ELL3: variants seen among roughly 807,000 people sequenced by gnomAD.
ELL3 encodes RNA polymerase II elongation factor ELL3.
ELL3 carries 48 observed loss-of-function variants against 58.5 expected under a neutral mutation model. The observed-to-expected ratio is 0.82, with a 90% CI of 0.65 to 1.04. The LOEUF (loss-of-function observed/expected upper bound fraction) is 1.04. ELL3 is among the 50% of genes least tolerant of loss of function. ELL3 has a pLI of 0.00. For synonymous variants in ELL3, 174 were observed against 173.2 expected, an observed-to-expected ratio of 1.00 and a Z score of -0.04; for missense variants, 458 against 478.4, an observed-to-expected ratio of 0.96 and a Z score of 0.40.
intron 2 of ELL3, 59 bp downstream of exon 2, chr15:43,776,450 A>G (rs993460452): frequency 2.8e-5 from 43 of 1,552,846 alleles, no homozygotes; most frequent in Middle Eastern, 1.7e-4. Flanking sequence ...TTCCACCTCC[A>G]GCCCACGTTT....
chr15:43,776,079 C>T lies in ELL3; in HGVS notation c.241G>A (p.Ala81Thr). 1 of 1,614,160 alleles carries T rather than the reference C, an allele frequency of 6.2e-7. No individual in the cohort carries two copies. Among genetic ancestry groups the T allele is most frequent in the Non-Finnish European group, 8.5e-7 (1 of 1,180,018 alleles). Residue 81 changes from alanine to threonine, a missense_variant, in exon 3 of 11, where the codon GCT becomes ACT. Physicochemically the swap from Ala to Thr is moderately conservative, Grantham distance 58. Coordinates refer to ENST00000319359, the MANE Select transcript of ELL3 (RefSeq NM_025165.3). ...FIVSQCCQEG[A>T]GGSLDLVCQR... ...CACACAAGGTCCAAGCTACCACCAG[C>T]GCCCTCCTGACAACACTGGGACACT...
At chr15:43,774,428 T>A in intron 8 of ELL3, 48 bp downstream of exon 8, 1 of 1,613,842 alleles carries the variant, frequency 6.2e-7, no homozygotes, top group Non-Finnish European at 8.5e-7. Context: ...AAGTGTATCT[T>A]AATATATGAA....
intron 3 of ELL3, 37 bp downstream of exon 3, chr15:43,776,002 A>G: frequency 1.2e-6 from 2 of 1,612,770 alleles, no homozygotes; most frequent in Non-Finnish European, 1.7e-6. Flanking sequence ...CCCACTTTCC[A>G]CAAACCCTTT....
At position 43,776,788 on chromosome 15, in the gene ELL3, T is replaced by C. The variant is rs1301971907; in HGVS notation, c.114A>G (p.Gln38=). 22 of 1,609,160 alleles carry C rather than the reference T, an allele frequency of 1.4e-5. No homozygotes were observed. In the Admixed American group the frequency reaches 3.3e-4, roughly 24 times the overall value. The change falls in exon 1 of 11, where the codon CAA becomes CAG. Residue 38 remains glutamine (Q), a synonymous_variant. Transcript: ENST00000319359. ...RLNDAALRAL[Q]ECQRQQVRPV... ...GCCGTACCTGTTGCCGCTGACACTC[T>C]TGCAGCGCCCGCAGGGCAGCGTCGT...
In ELL3 at chr15:43,772,688, A is replaced by G. The variant is rs2788; in HGVS notation, c.*428T>C. 0.16 allele frequency: 24,772 copies of G among 154,008 alleles called. 2,622 individuals carry two copies. Among genetic ancestry groups the G allele is most frequent in the African/African-American group, 0.29 (12,053 of 41,612 alleles). The allele number at this position is 154,008 out of a possible 1,614,324, so 9.5% of individuals were successfully genotyped here. A position where few individuals can be genotyped will look rare whatever the true frequency, so the allele number is the denominator to read the frequency against. On this transcript the variant is annotated 3_prime_UTR_variant, in exon 11 of 11. Transcript: ENST00000319359. ...ATGGGTAACACCCAGGCCCTTTCCC[A>G]TTATATCCAGGTATGCTACAAGTTC...
In ELL3 at chr15:43,775,828, T is replaced by C. The variant is rs2086911103; in HGVS notation, c.377A>G (p.Gln126Arg). Residue 126 changes from glutamine to arginine, a missense_variant, in exon 4 of 11, where the codon CAG (glutamine) becomes CGG (arginine). Coordinates refer to ENST00000319359, the MANE Select transcript of ELL3 (RefSeq NM_025165.3). ...GGCATCTTCAGTCAGGTTGTGTCCC[T>C]GAACTGATGATGGGGCTGGGATAGA... ...MDSIPAPSSV[Q>R]GHNLTEDARH... is the part of the protein sequence containing the mutation. The C allele has an allele frequency of 6.2e-7, 1 of 1,614,184 alleles. No homozygotes were observed.
chr15:43,773,004 G>T lies in ELL3; in HGVS notation c.*112C>A. ...AGAGCAGCTCTCTACTTGCCACCAT[G>T]GACTCCAGTGGTCAGCATAAGAAAA... On this transcript the variant is annotated 3_prime_UTR_variant, in exon 11 of 11. Transcript: ENST00000319359. 9.9e-7 allele frequency: 1 copy of T among 1,011,430 alleles called. No homozygotes were observed. Among genetic ancestry groups the T allele is most frequent in the Non-Finnish European group, 1.5e-6 (1 of 681,752 alleles). 62.7% of individuals were successfully genotyped at this position (1,011,430 alleles called of 1,614,324 possible).
intron 6 of ELL3, among the ~76,000 whole-genome samples, 161 bp from the exon 7 acceptor site, chr15:43,774,934 A>T (rs2086903467): frequency 6.6e-6 from 1 of 152,042 alleles, no homozygotes; most frequent in African/African-American, 2.4e-5. Flanking sequence ...AGATTTCAAG[A>T]CTAGTCTGGG....
chr15:43,773,711 A>G (rs2086895124), intron 9 of ELL3, among the ~76,000 whole-genome samples: 1 of 146,864 alleles, frequency 6.8e-6, no homozygotes, highest in Admixed American at 6.7e-5. Context: ...GAAAAAAAAA[A>G]GAGAGAGGGG....
rs1256758506 is a variant in ELL3, at chr15:43,773,335, T to G, written c.1052A>C (p.Lys351Thr). ...GTPEYKVLED[K>T]IIQEYKKFRK... is the part of the protein sequence containing the mutation. ...GAACTTTTTATATTCCTGGATTATC[T>G]TGTCTTCCAGGACCTGAAACAGAAA... Residue 351 changes from lysine to threonine, a missense_variant, in exon 10 of 11, where the codon AAG becomes ACG. Lys to Thr is a moderately conservative substitution (Grantham distance 78). Transcript: ENST00000319359. 6.2e-7 allele frequency: 1 copy of G among 1,614,200 alleles called. No homozygotes were observed. Among genetic ancestry groups the G allele is most frequent in the South Asian group, 1.1e-5 (1 of 91,086 alleles).
intron 2 of ELL3, 25 bp downstream of exon 2, chr15:43,776,484 T>G: frequency 6.4e-7 from 1 of 1,560,226 alleles, no homozygotes; most frequent in Non-Finnish European, 8.7e-7. Flanking sequence ...CTCACCTCGC[T>G]CACACACCCT....
In ELL3 at chr15:43,776,808, C is replaced by A. The variant is rs1265286116; in HGVS notation, c.94G>T (p.Ala32Ser). 2 of 1,610,948 alleles carry A rather than the reference C, an allele frequency of 1.2e-6. No homozygotes were observed. Among genetic ancestry groups the A allele is most frequent in the Admixed American group, 1.7e-5 (1 of 59,796 alleles). ...TSLLLLRLND[A>S]ALRALQECQR... Reference sequence around the variant, plus strand: ...CACTCTTGCAGCGCCCGCAGGGCAGCGTCGTTGAGCCTGAGCAGTAAGAGG... The same window carrying A: ...CACTCTTGCAGCGCCCGCAGGGCAGAGTCGTTGAGCCTGAGCAGTAAGAGG... Residue 32 changes from alanine (A) to serine (S), a missense_variant, in exon 1 of 11, where the codon GCT becomes TCT. Ala to Ser is a moderately conservative substitution (Grantham distance 99). Coordinates refer to ENST00000319359, the MANE Select transcript of ELL3 (RefSeq NM_025165.3).
At position 43,775,288 on chromosome 15, in the gene ELL3, C is replaced by G. The variant is rs1344344239; in HGVS notation, c.645+18G>C. ...ATATTAATGTTACAAAAAAAAAGCCCTTGCCATTCTAACTTACCTTGTCCA... is the reference window on the plus strand; with the variant it reads ...ATATTAATGTTACAAAAAAAAAGCCGTTGCCATTCTAACTTACCTTGTCCA... On this transcript the variant is annotated intron_variant, in intron 6 of 10. Coordinates refer to ENST00000319359, the MANE Select transcript of ELL3 (RefSeq NM_025165.3). 3 of 1,577,954 alleles carry G rather than the reference C, an allele frequency of 1.9e-6. No homozygotes were observed. The African/African-American group carries it at 4.1e-5, about 22-fold the overall frequency.
Position 43,775,787 on chromosome 15 carries a change from A to G in ELL3, c.418T>C (p.Trp140Arg), listed in dbSNP as rs35454865. The change falls in exon 4 of 11, where the codon TGG (tryptophan) becomes CGG (arginine). Residue 140 changes from tryptophan to arginine, a missense_variant. By Grantham distance (101) the Trp-to-Arg change is moderately radical. Coordinates refer to ENST00000319359, the MANE Select transcript of ELL3 (RefSeq NM_025165.3). ...LTEDARHPES[W>R]QNTGGYSEGD... ...TCAGAATAGCCTCCTGTGTTCTGCC[A>G]ACTCTCAGGATGTCTGGCATCTTCA... 0.016 allele frequency: 25,878 copies of G among 1,614,190 alleles called. 282 individuals carry two copies. The highest frequency in any genetic ancestry group is 0.02 in the Non-Finnish European group (23,852 of 1,180,032).
Position 43,776,809 on chromosome 15 carries a change from G to A in ELL3, c.93C>T (p.Asp31=), listed in dbSNP as rs749068278. 2.3e-5 allele frequency: 37 copies of A among 1,611,062 alleles called. 1 individual carries two copies. In the South Asian group the frequency reaches 4.0e-4, roughly 17 times the overall value. The part of the protein sequence containing the change: ...RTSLLLLRLN[D]AALRALQECQ... ...ACTCTTGCAGCGCCCGCAGGGCAGC[G>A]TCGTTGAGCCTGAGCAGTAAGAGGC... Residue 31 remains aspartate, a synonymous_variant, in exon 1 of 11, where the codon GAC becomes GAT. Coordinates refer to ENST00000319359, the MANE Select transcript of ELL3 (RefSeq NM_025165.3).
At chr15:43,774,421 T>C in intron 8 of ELL3, 55 bp downstream of exon 8, 1 of 1,613,548 alleles carries the variant, frequency 6.2e-7, no homozygotes, top group Non-Finnish European at 8.5e-7. Flanking sequence ...TTCCAGGAAG[T>C]GTATCTTAAT....
rs2086906968 is a variant in ELL3, at chr15:43,775,376, T to G, written c.575A>C (p.Gln192Pro). The change falls in exon 6 of 11, where the codon CAG becomes CCG. Residue 192 changes from glutamine (Q) to proline (P), a missense_variant. Physicochemically the swap from Gln to Pro is moderately conservative, Grantham distance 76 (BLOSUM62 -1). Transcript: ENST00000319359. The stretch of plus-strand genomic sequence containing the variant: ...AGGTTCTCTGTTTGGAACATGGGTC[T>G]GGCTTCTAGGATATTTTAAGGGAAT... ...EHMAQWEVRS[Q>P]THVPNREPVQ... The G allele has an allele frequency of 6.2e-7, 1 of 1,613,510 alleles. No homozygotes were observed.
rs746845830 is a variant in ELL3, at chr15:43,773,343, C to T, written c.1044G>A (p.Leu348=). 6.2e-7 allele frequency: 1 copy of T among 1,614,092 alleles called. No homozygotes were observed. The highest frequency in any genetic ancestry group is 8.5e-7 in the Non-Finnish European group (1 of 1,180,034). ...TATATTCCTGGATTATCTTGTCTTC[C>T]AGGACCTGAAACAGAAATTACTAGC... ...VRRGTPEYKV[L]EDKIIQEYKK... is the part of the protein sequence containing the mutation. The change falls in exon 10 of 11, where the codon CTG becomes CTA. Residue 348 remains leucine, a synonymous_variant. Transcript: ENST00000319359.
At position 43,773,627 on chromosome 15, in the gene ELL3, G is replaced by A. The variant is rs377115061; in HGVS notation, c.1039-279C>T. Among the ~76,000 whole-genome samples the A allele has an allele frequency of 3.9e-4, 60 of 152,020 alleles. 1 individual carries two copies. Among genetic ancestry groups the A allele is most frequent in the African/African-American group, 1.4e-3 (60 of 41,486 alleles). The stretch of plus-strand genomic sequence containing the variant: ...GCAGGAGAATGGCGTGAACCCGGGA[G>A]GCGGAGCTTGCAGTGAGCCAAGATC... On this transcript the variant is annotated intron_variant, in intron 9 of 10. Coordinates refer to ENST00000319359, the MANE Select transcript of ELL3 (RefSeq NM_025165.3).
Sources: allele counts gnomAD v4.1 joint callset (sites outside exome capture counted in the v4.1 genomes callset), GRCh38; gene constraint gnomAD v4.1.1; transcripts MANE v1.5; gene names NCBI Gene and HGNC (gene_info 2026-07-23, HGNC 2026-07-21).